PCBP2: variants seen among roughly 807,000 people sequenced by gnomAD.
PCBP2 encodes the protein poly(rC)-binding protein 2.
In PCBP2, 4 loss-of-function variants were observed where a neutral mutation model predicts 50.1. The observed-to-expected ratio is 0.08, with a 90% CI of 0.04 to 0.18. The LOEUF is 0.18. PCBP2 is among the 10% of genes least tolerant of loss of function. The pLI is 1.00. For synonymous variants in PCBP2, 179 were observed against 168.0 expected (o/e 1.07, Z -0.51); for missense variants, 161 against 474.3 (o/e 0.34, Z 6.14).
At chr12:53,475,299 T>C in intron 14 of PCBP2, 1 of 390,500 alleles carries the variant, frequency 2.6e-6, no homozygotes, top group South Asian at 1.9e-5. Flanking sequence ...ATGAAACTAT[T>C]GTGAGCTTGT....
At chr12:53,466,161 C>G (rs1016646412) in intron 10 of PCBP2, among the ~76,000 whole-genome samples, 188 bp downstream of exon 10, 1 of 152,346 alleles carries the variant, frequency 6.6e-6, no homozygotes, top group South Asian at 2.1e-4. Context: ...TGCCTTTTAA[C>G]ATTTAACCCC....
At chr12:53,464,469 G>T in intron 8 of PCBP2, 1 of 348,330 alleles carries the variant, frequency 2.9e-6, no homozygotes, top group Non-Finnish European at 5.2e-6. Flanking sequence ...TTGTGGCAAA[G>T]TGGGCTCTGT....
chr12:53,469,437 C>T (rs913251160), intron 13 of PCBP2, among the ~76,000 whole-genome samples: 1 of 151,870 alleles, frequency 6.6e-6, no homozygotes, highest in Non-Finnish European at 1.5e-5. Flanking sequence ...ATAGAAATTC[C>T]TGGCTGGGCA....
At chr12:53,452,711 GGCGGGTGAGCGCGGCTCCCC>G (rs1415055206) in intron 1 of PCBP2, 1 of 152,042 alleles carries the variant, frequency 6.6e-6, no homozygotes, top group African/African-American at 2.4e-5. Context: ...TTGCTGGCCG[GGCGGGTGAGCGCGGCTCCCC>G]GCGGGGGTCA....
At chr12:53,468,719 A>G in intron 12 of PCBP2, 58 bp from the exon 13 acceptor site, 4 of 1,250,016 alleles carry the variant, frequency 3.2e-6, no homozygotes, top group Non-Finnish European at 4.7e-6. Context: ...TTAATGTGCA[A>G]GTCAGTGAGG....
chr12:53,460,367 A>C (rs570535806), intron 6 of PCBP2: 1 of 398,240 alleles, frequency 2.5e-6, no homozygotes, highest in Admixed American at 2.9e-5. Context: ...CTGGTCTCCA[A>C]CTCCTGAGCT....
chr12:53,462,857 C>T (rs1430011054), intron 8 of PCBP2, among the ~76,000 whole-genome samples: 2 of 152,116 alleles, frequency 1.3e-5, no homozygotes. Flanking sequence ...GTCCCCACCC[C>T]ATCCATGTTT....
intron 6 of PCBP2, chr12:53,459,686 T>C (rs1456274950): frequency 3.8e-6 from 1 of 263,556 alleles, no homozygotes; most frequent in Non-Finnish European, 7.7e-6. Flanking sequence ...TGAGGCTACA[T>C]AGTTCTTTTT....
intron 12 of PCBP2, chr12:53,468,044 C>A: frequency 1.7e-6 from 1 of 583,732 alleles, no homozygotes; most frequent in Non-Finnish European, 3.0e-6. Context: ...GATGAGACAG[C>A]AGCCATAGCT....
chr12:53,458,963 ATCT>A (rs1466159226), intron 5 of PCBP2, among the ~76,000 whole-genome samples: 1 of 152,154 alleles, frequency 6.6e-6, no homozygotes, highest in African/African-American at 2.4e-5. Flanking sequence ...TTTTGACATC[ATCT>A]TTTTTCCCCA....
chr12:53,455,203 A>G (rs1396761023), intron 2 of PCBP2, 144 bp from the exon 3 acceptor site: 1 of 736,406 alleles, frequency 1.4e-6, no homozygotes, highest in African/African-American at 1.8e-5. Context: ...TAGCATAGAT[A>G]GCAGTCTGTT....
intron 8 of PCBP2, among the ~76,000 whole-genome samples, chr12:53,463,185 G>A (rs1941572360): frequency 6.6e-6 from 1 of 152,152 alleles, no homozygotes; most frequent in South Asian, 2.1e-4. Flanking sequence ...GTGACCTTTG[G>A]TGTTAGAGTA....
At chr12:53,468,521 C>A in intron 12 of PCBP2, 1 of 507,050 alleles carries the variant, frequency 2.0e-6, no homozygotes, top group Non-Finnish European at 3.5e-6. Context: ...CTTCCATCCC[C>A]CATCCCTAAT....
At chr12:53,461,734 C>T (rs1052778299) in intron 7 of PCBP2, among the ~76,000 whole-genome samples, 2 of 151,890 alleles carry the variant, frequency 1.3e-5, no homozygotes, top group East Asian at 1.9e-4. Flanking sequence ...GTGTGTGTGA[C>T]GGGTTCACTT....
chr12:53,466,075 C>T, intron 10 of PCBP2, 102 bp downstream of exon 10: 1 of 925,954 alleles, frequency 1.1e-6, no homozygotes, highest in East Asian at 2.4e-5. Context: ...GGGTCTTCAG[C>T]ATTTGCAGTA....
At chr12:53,455,644 G>T in intron 4 of PCBP2, 151 bp downstream of exon 4, 2 of 848,640 alleles carry the variant, frequency 2.4e-6, no homozygotes, top group Non-Finnish European at 3.7e-6. Flanking sequence ...TCTGGGGAGT[G>T]TATTTTTTTT....
chr12:53,455,209 C>A, intron 2 of PCBP2, 138 bp from the exon 3 acceptor site: 1 of 776,096 alleles, frequency 1.3e-6, no homozygotes, highest in Non-Finnish European at 2.1e-6. Context: ...AGATAGCAGT[C>A]TGTTGGCTAG....
intron 4 of PCBP2, 28 bp downstream of exon 4, chr12:53,455,521 A>T: frequency 6.2e-7 from 1 of 1,610,812 alleles, no homozygotes. Flanking sequence ...GAGATTGTTA[A>T]CTTTGGGAAG....
At position 53,464,792 on chromosome 12, in the gene PCBP2, C is replaced by T. The variant is rs1252476299; in HGVS notation, c.612C>T (p.Ser204=). The T allele has an allele frequency of 1.2e-6, 2 of 1,612,204 alleles. No homozygotes were observed. Among genetic ancestry groups the T allele is most frequent in the Non-Finnish European group, 1.7e-6 (2 of 1,179,184 alleles). The change falls in exon 9 of 15, where the codon AGC becomes AGT. Residue 204 remains serine, a synonymous_variant. Transcript: ENST00000546463. ...DRYSTGSDSA[S]FPHTTPSMCL... The stretch of plus-strand genomic sequence containing the variant: ...ACAGCACAGGCAGCGACAGTGCGAG[C>T]TTTCCCCACACCACCCCGTCCATGT...
Sources: gnomAD v4.1 joint callset for allele counts (sites outside exome capture counted in the v4.1 genomes callset) on GRCh38, gnomAD v4.1.1 for gene constraint, MANE v1.5 for transcripts, NCBI Gene and HGNC (gene_info 2026-07-23, HGNC 2026-07-21) for gene names.